CWC27: variants seen among roughly 807,000 people sequenced by gnomAD.
The protein encoded by CWC27 is spliceosome-associated protein CWC27 homolog.
A neutral mutation model predicts 63.6 loss-of-function variants in CWC27; 47 were observed. The ratio of observed to expected loss-of-function variants is 0.74; its 90% CI spans 0.58 to 0.94. CWC27 has a LOEUF of 0.94. Among genes scored for constraint, CWC27 ranks in the 40% least tolerant of loss-of-function variants. The pLI is 0.00. For synonymous variants in CWC27, 175 were observed against 179.8 expected, an observed-to-expected ratio of 0.97 and a Z score of 0.22; for missense variants, 495 against 554.3, an observed-to-expected ratio of 0.89 and a Z score of 1.07.
chr5:64,906,121 G>A (rs2112370886), intron 11 of CWC27, among the ~76,000 whole-genome samples: 1 of 152,160 alleles, frequency 6.6e-6, no homozygotes, highest in South Asian at 2.1e-4. Flanking sequence ...GTTATTATGA[G>A]TAGTGCTGCA....
chr5:64,885,499 A>C lies in CWC27; in HGVS notation c.995A>C (p.Gln332Pro), dbSNP rs199655070. 4 of 1,600,576 alleles carry C rather than the reference A, an allele frequency of 2.5e-6. No homozygotes were observed. Among genetic ancestry groups the C allele is most frequent in the Non-Finnish European group, 3.4e-6 (4 of 1,171,986 alleles). The change falls in exon 11 of 14, where the codon CAA becomes CCA. Residue 332 changes from glutamine to proline, a missense_variant. Gln to Pro is a moderately conservative substitution (Grantham distance 76). This residue lies in a region of CWC27 where 463 missense variants were observed against 498.1 expected (regional missense o/e 0.93). Transcript: ENST00000381070. ...QLKRELLAAK[Q>P]KKVENAAKQA... ...AAACGGGAACTCTTAGCAGCAAAAC[A>C]AAAAAAAGTAGAAAATGCAGCAAAA... is the stretch of plus-strand genomic sequence containing the variant.
intron 11 of CWC27, among the ~76,000 whole-genome samples, chr5:64,916,874 CAGTAGTAGTATTAGT>C (rs1457774936): frequency 7.2e-6 from 1 of 139,214 alleles, no homozygotes; most frequent in Non-Finnish European, 1.5e-5. Context: ...CTTTTGGTGG[CAGTAGTAGTATTAGT>C]AGTAGTAGTA....
chr5:64,867,268 T>A (rs1490435529), intron 10 of CWC27, among the ~76,000 whole-genome samples: 1 of 152,092 alleles, frequency 6.6e-6, no homozygotes, highest in Non-Finnish European at 1.5e-5. Context: ...TGATCTTCCC[T>A]TGCAGGACTT....
At chr5:64,891,771 T>G (rs948550485) in intron 11 of CWC27, among the ~76,000 whole-genome samples, 7 of 147,634 alleles carry the variant, frequency 4.7e-5, no homozygotes, top group Non-Finnish European at 9.0e-5. Context: ...CTTGGGATAC[T>G]TTGTTGTTGT....
intron 12 of CWC27, among the ~76,000 whole-genome samples, chr5:64,973,301 A>G (rs1407133812): frequency 6.6e-6 from 1 of 152,232 alleles, no homozygotes; most frequent in Non-Finnish European, 1.5e-5. Context: ...CTTTCATTTT[A>G]GGAAGATCTC....
chr5:64,796,743 T>TCCTCCCTC (rs150451609), intron 7 of CWC27, among the ~76,000 whole-genome samples: 1 of 119,636 alleles, frequency 8.4e-6, no homozygotes, highest in Non-Finnish European at 1.8e-5. Flanking sequence ...TGTCCCTTCC[T>TCCTCCCTC]CCTCCCTCCC....
intron 13 of CWC27, among the ~76,000 whole-genome samples, chr5:65,017,788 A>G (rs1750075852): frequency 6.6e-6 from 1 of 152,328 alleles, no homozygotes; most frequent in East Asian, 1.9e-4. Context: ...TTGCTCTGCA[A>G]CCTGACTCAC....
intron 10 of CWC27, among the ~76,000 whole-genome samples, chr5:64,857,922 G>C (rs2112306174): frequency 6.6e-6 from 1 of 151,186 alleles, no homozygotes; most frequent in East Asian, 2.0e-4. Context: ...CGGATCACGA[G>C]GTCAGGAGAT....
intron 13 of CWC27, among the ~76,000 whole-genome samples, chr5:64,986,693 C>A (rs769859081): frequency 6.6e-6 from 1 of 152,086 alleles, no homozygotes; most frequent in East Asian, 1.9e-4. Flanking sequence ...GAGCCCCCCC[C>A]GGACTGGGCC....
intron 11 of CWC27, among the ~76,000 whole-genome samples, chr5:64,898,001 A>T (rs1011637895): frequency 2.6e-5 from 4 of 152,222 alleles, no homozygotes; most frequent in African/African-American, 7.2e-5. Flanking sequence ...AAATTTAATA[A>T]GAATGTAGAA....
intron 11 of CWC27, among the ~76,000 whole-genome samples, chr5:64,890,366 T>C (rs559140920): frequency 6.6e-6 from 1 of 152,306 alleles, no homozygotes; most frequent in South Asian, 2.1e-4. Flanking sequence ...TATATAGTTT[T>C]TGAGTACTTT....
chr5:64,806,241 GAA>G (rs1307557243), intron 10 of CWC27, among the ~76,000 whole-genome samples: 3 of 151,898 alleles, frequency 2.0e-5, no homozygotes, highest in Middle Eastern at 3.2e-3. Context: ...CACTGTAGAG[GAA>G]AAAGTTATAT....
chr5:64,888,306 T>A (rs9686133), intron 11 of CWC27, among the ~76,000 whole-genome samples: 1 of 147,504 alleles, frequency 6.8e-6, no homozygotes, highest in African/African-American at 2.5e-5. Flanking sequence ...AATATAATTA[T>A]ATATAATATA....
intron 10 of CWC27, among the ~76,000 whole-genome samples, chr5:64,839,027 T>C (rs540302870): frequency 3.7e-4 from 57 of 152,316 alleles, no homozygotes; most frequent in African/African-American, 1.4e-3. Flanking sequence ...AGAATATCTT[T>C]CAAAAAACAA....
At chr5:65,002,114 T>C (rs1309538) in intron 13 of CWC27, among the ~76,000 whole-genome samples, 111,904 of 151,936 alleles carry the variant, frequency 0.74, 41,895 homozygotes, top group African/African-American at 0.86. Context: ...TAGTTCACAG[T>C]AGCCTCTAAA....
At chr5:64,903,457 A>T (rs1053808375) in intron 11 of CWC27, among the ~76,000 whole-genome samples, 1 of 151,976 alleles carries the variant, frequency 6.6e-6, no homozygotes, top group Non-Finnish European at 1.5e-5. Flanking sequence ...GTTCTCACTC[A>T]TAAGTGGGAG....
At chr5:64,894,406 A>C (rs1747317967) in intron 11 of CWC27, among the ~76,000 whole-genome samples, 1 of 152,080 alleles carries the variant, frequency 6.6e-6, no homozygotes, top group Non-Finnish European at 1.5e-5. Context: ...ATAAAGTTTT[A>C]ATTGGTATTT....
At chr5:64,771,592 G>T (rs1475488648) in intron 1 of CWC27, among the ~76,000 whole-genome samples, 1 of 152,170 alleles carries the variant, frequency 6.6e-6, no homozygotes, top group African/African-American at 2.4e-5. Context: ...TTCACTTAGT[G>T]TAATGTTGCT....
intron 11 of CWC27, among the ~76,000 whole-genome samples, chr5:64,951,944 C>A (rs1477311698): frequency 2.0e-5 from 3 of 151,736 alleles, no homozygotes; most frequent in Admixed American, 6.6e-5. Context: ...TATGTAGGTA[C>A]TACTGAATGA....
Sources: gnomAD v4.1 joint callset for allele counts (sites outside exome capture counted in the v4.1 genomes callset) on GRCh38, gnomAD v4.1.1 for gene constraint, gnomAD v4.1.1 regional missense constraint, MANE v1.5 for transcripts, NCBI Gene and HGNC (gene_info 2026-07-23, HGNC 2026-07-21) for gene names.